Variants in MGAT4A observed in about 807,000 individuals in gnomAD.
The protein encoded by MGAT4A is N-acetylglucosaminyltransferase IVa.
Under a neutral mutation model 74.1 loss-of-function variants are expected in MGAT4A, and 33 were observed. That is an observed-to-expected ratio of 0.45 (90% CI 0.34 to 0.60). MGAT4A has a LOEUF of 0.60. Ranked by LOEUF, MGAT4A falls within the 20% of genes least tolerant of loss-of-function variation. The pLI is 0.02. For missense variants in MGAT4A, 479 were observed against 628.3 expected, an observed-to-expected ratio of 0.76 and a Z score of 2.54; for synonymous variants, 198 against 210.4, an observed-to-expected ratio of 0.94 and a Z score of 0.51.
At chr2:98,703,056 C>T (rs1575276099) in intron 2 of MGAT4A, among the ~76,000 whole-genome samples, 1 of 152,338 alleles carries the variant, frequency 6.6e-6, no homozygotes, top group African/African-American at 2.4e-5. Flanking sequence ...TGGAAGTGGT[C>T]TCTGAGTATT....
Position 98,625,128 on chromosome 2 carries a change from AAC to A in MGAT4A, c.*436_*437del. ...AGTGTTTCTAATAAATTAATTCCATAACATTTTTATGTATATTTATATATTTA... is the reference window on the plus strand; with the variant it reads ...AGTGTTTCTAATAAATTAATTCCATAATTTTTATGTATATTTATATATTTA... On this transcript the variant is annotated 3_prime_UTR_variant, in exon 16 of 16. Coordinates refer to ENST00000393487, the MANE Select transcript of MGAT4A (RefSeq NM_012214.3). 3 of 848,456 alleles carry A rather than the reference AAC, an allele frequency of 3.5e-6. No homozygotes were observed. Among genetic ancestry groups the A allele is most frequent in the Non-Finnish European group, 2.8e-6 (2 of 705,452 alleles). The allele number at this position is 848,456 out of a possible 1,614,324, so 52.6% of individuals were successfully genotyped here.
At chr2:98,712,372 C>T (rs902333424) in intron 2 of MGAT4A, among the ~76,000 whole-genome samples, 2 of 152,194 alleles carry the variant, frequency 1.3e-5, no homozygotes, top group African/African-American at 4.8e-5. Flanking sequence ...ATTCTCATCA[C>T]TTGTCTGGGT....
chr2:98,632,321 C>T (rs1173423670), intron 14 of MGAT4A, among the ~76,000 whole-genome samples: 1 of 152,112 alleles, frequency 6.6e-6, no homozygotes, highest in Non-Finnish European at 1.5e-5. Context: ...GGGGTTTGAG[C>T]AGTAGGGCAC....
chr2:98,711,787 G>C (rs1239608082), intron 2 of MGAT4A, among the ~76,000 whole-genome samples: 1 of 152,082 alleles, frequency 6.6e-6, no homozygotes, highest in Non-Finnish European at 1.5e-5. Context: ...ACAGACAAAA[G>C]CCATCACACT....
At chr2:98,630,768 G>A (rs542267380) in intron 14 of MGAT4A, among the ~76,000 whole-genome samples, 3 of 152,218 alleles carry the variant, frequency 2.0e-5, no homozygotes, top group South Asian at 2.1e-4. Flanking sequence ...AAATCATTAC[G>A]GGAACTGCCT....
At chr2:98,694,538 G>C (rs1702240574) in intron 2 of MGAT4A, 1 of 153,380 alleles carries the variant, frequency 6.5e-6, no homozygotes, top group Admixed American at 6.5e-5. Context: ...AAAAACAGAA[G>C]GTAGGTCAGG....
At chr2:98,679,203 G>A (rs1192024209) in intron 2 of MGAT4A, among the ~76,000 whole-genome samples, 3 of 151,904 alleles carry the variant, frequency 2.0e-5, no homozygotes, top group East Asian at 1.9e-4. Flanking sequence ...TCAGGAGATC[G>A]AGACCATCCT....
chr2:98,634,036 T>A (rs1229834049), intron 14 of MGAT4A, among the ~76,000 whole-genome samples: 1 of 152,260 alleles, frequency 6.6e-6, no homozygotes, highest in Non-Finnish European at 1.5e-5. Context: ...CCTATAGACC[T>A]ACAATATCAA....
intron 1 of MGAT4A, among the ~76,000 whole-genome samples, chr2:98,727,258 C>T (rs1270503529): frequency 6.6e-6 from 1 of 152,162 alleles, no homozygotes; most frequent in Non-Finnish European, 1.5e-5. Context: ...AGCAATCCAG[C>T]CAGGATACTG....
chr2:98,659,387 C>T (rs767574862), intron 5 of MGAT4A, among the ~76,000 whole-genome samples: 7 of 152,084 alleles, frequency 4.6e-5, no homozygotes, highest in Non-Finnish European at 7.4e-5. Flanking sequence ...CAGATCCTTG[C>T]CCCTTCAAGG....
intron 2 of MGAT4A, among the ~76,000 whole-genome samples, chr2:98,714,246 C>T (rs1026172532): frequency 2.0e-5 from 3 of 152,108 alleles, no homozygotes; most frequent in Non-Finnish European, 4.4e-5. Flanking sequence ...CCACCATGCC[C>T]GGCTAATTTT....
chr2:98,625,030 A>C lies in MGAT4A; in HGVS notation c.*536T>G. 1 of 983,798 alleles carries C rather than the reference A, an allele frequency of 1.0e-6. No individual in the cohort carries two copies. The highest frequency in any genetic ancestry group is 1.2e-6 in the Non-Finnish European group (1 of 828,076). The allele number at this position is 983,798 out of a possible 1,614,324, so 60.9% of individuals were successfully genotyped here. A position where few individuals can be genotyped will look rare whatever the true frequency, so the allele number is the denominator to read the frequency against. ...CAAAGAAAAATATAGAAAGAACTTA[A>C]AAAAGCAAGGAAACTGGTTTTCAAA... On this transcript the variant is annotated 3_prime_UTR_variant, in exon 16 of 16. Coordinates refer to ENST00000393487, the MANE Select transcript of MGAT4A (RefSeq NM_012214.3).
At position 98,726,325 on chromosome 2, in the gene MGAT4A, A is replaced by G. The variant is rs1446840551; in HGVS notation, c.8T>C (p.Leu3Pro). MR[L>P]RNGTVATALA... ...AGCAGTGGCTACAGTTCCATTGCGG[A>G]GCCTCATCTCATTTCACCATCACAC... Residue 3 changes from leucine to proline, a missense_variant, in exon 2 of 16, where the codon CTC becomes CCC. By Grantham distance (98) the Leu-to-Pro change is moderately conservative. Transcript: ENST00000393487. 6.2e-7 allele frequency: 1 copy of G among 1,613,656 alleles called. No homozygotes were observed.
rs569212119 is a variant in MGAT4A at position 98,659,069 on chromosome 2, G to C, written c.538-805C>G. 1.2e-4 allele frequency among the ~76,000 whole-genome samples: 19 copies of C among 152,324 alleles called. No individual in the cohort carries two copies. The South Asian group carries it at 3.9e-3, about 32-fold the overall frequency. ...GTTCAGATCTAACCCAGCATGGAGGGTAGAAGCATCAGAAGAGGATGCCTG... is the reference window on the plus strand; with the variant it reads ...GTTCAGATCTAACCCAGCATGGAGGCTAGAAGCATCAGAAGAGGATGCCTG... On this transcript the variant is annotated intron_variant, in intron 5 of 15. Coordinates refer to ENST00000393487, the MANE Select transcript of MGAT4A (RefSeq NM_012214.3).
intron 2 of MGAT4A, among the ~76,000 whole-genome samples, chr2:98,706,696 T>C (rs1179111086): frequency 6.6e-6 from 1 of 151,838 alleles, no homozygotes; most frequent in African/African-American, 2.4e-5. Context: ...GTGTAAATTT[T>C]TTAGATACAT....
In MGAT4A at chr2:98,658,204, TAAG is replaced by T. The variant is rs779795218; in HGVS notation, c.584+11_584+13del. 2 of 1,529,970 alleles carry T rather than the reference TAAG, an allele frequency of 1.3e-6. No homozygotes were observed. Among genetic ancestry groups the T allele is most frequent in the South Asian group, 1.2e-5 (1 of 84,838 alleles). The allele number at this position is 1,529,970 out of a possible 1,614,324, so 94.8% of individuals were successfully genotyped here. Reference sequence around the variant, plus strand: ...ACCAAAATATTTGTATGTTTATAATTAAGAAGAACTTACTCTTTCTCCAGGTTG... The same window carrying T: ...ACCAAAATATTTGTATGTTTATAATTAAGAACTTACTCTTTCTCCAGGTTG... On this transcript the variant is annotated intron_variant, in intron 6 of 15. Transcript: ENST00000393487.
chr2:98,717,289 G>T (rs775064046), intron 2 of MGAT4A, among the ~76,000 whole-genome samples: 7 of 151,814 alleles, frequency 4.6e-5, no homozygotes, highest in Non-Finnish European at 1.0e-4. Context: ...CGAGATAGGA[G>T]AATCGCTTGA....
chr2:98,713,477 G>A (rs919244502), intron 2 of MGAT4A, among the ~76,000 whole-genome samples: 26 of 149,792 alleles, frequency 1.7e-4, no homozygotes, highest in Non-Finnish European at 3.3e-4. Context: ...AAACAAACCC[G>A]TAGGCCAGGC....
intron 2 of MGAT4A, among the ~76,000 whole-genome samples, chr2:98,693,824 C>T (rs1205055905): frequency 6.6e-6 from 1 of 152,010 alleles, no homozygotes; most frequent in East Asian, 1.9e-4. Flanking sequence ...AGCAACCACT[C>T]AAATATCTAT....
Sources: allele counts gnomAD v4.1 joint callset (sites outside exome capture counted in the v4.1 genomes callset), GRCh38; gene constraint gnomAD v4.1.1; transcripts MANE v1.5; gene names NCBI Gene and HGNC (gene_info 2026-07-23, HGNC 2026-07-21).